CIT: variants seen among roughly 807,000 people sequenced by gnomAD.
CIT encodes citron Rho-interacting kinase.
Under a neutral mutation model 272.7 loss-of-function variants are expected in CIT, and 79 were observed. The ratio of observed to expected loss-of-function variants is 0.29; its 90% CI spans 0.24 to 0.35. CIT has a LOEUF of 0.35. CIT is among the 10% of genes least tolerant of loss of function. The probability of loss-of-function intolerance (pLI) is 1.00; values close to 1 mark genes in which losing one functional copy is unlikely to be tolerated. For synonymous variants in CIT, 948 were observed against 995.6 expected (o/e 0.95, Z 0.90); for missense variants, 1,909 against 2,618.3 (o/e 0.73, Z 5.91).
In CIT at chr12:119,734,093, C is replaced by T. The variant is rs949979541; in HGVS notation, c.3350+71G>A. The stretch of plus-strand genomic sequence containing the variant: ...GTCTCGGCGGGAATAGCTGATCACC[C>T]TGTCCACAACTCTCAGGCCGATCCT... On this transcript the variant is annotated intron_variant, in intron 26 of 47. Transcript: ENST00000392521. The T allele has an allele frequency of 3.3e-6, 5 of 1,499,702 alleles. No individual in the cohort carries two copies. The African/African-American group carries it at 6.9e-5, about 21-fold the overall frequency. The allele number at this position is 1,499,702 out of a possible 1,614,324, so 92.9% of individuals were successfully genotyped here.
rs1369952457 is a variant in CIT at position 119,731,813 on chromosome 12, A to AATATATATACATAT, written c.3351-1184_3351-1183insATATGTATATATAT. ...AAAGCATAACTGTATTTCTCTCCTA[A>AATATATATACATAT]ATATATATATATATATATATATATA... On this transcript the variant is annotated intron_variant, in intron 26 of 47. Transcript: ENST00000392521. Among the ~76,000 whole-genome samples, 906 of 139,136 alleles carry AATATATATACATAT rather than the reference A, an allele frequency of 6.5e-3. 13 individuals are homozygous for AATATATATACATAT. Among genetic ancestry groups the AATATATATACATAT allele is most frequent in the African/African-American group, 0.025 (884 of 36,034 alleles). 91.3% of individuals were successfully genotyped at this position (139,136 alleles called of 152,430 possible). A position where few individuals can be genotyped will look rare whatever the true frequency, so the allele number is the denominator to read the frequency against.
chr12:119,724,070 C>T (rs1386544664), intron 28 of CIT, among the ~76,000 whole-genome samples: 1 of 152,064 alleles, frequency 6.6e-6, no homozygotes, highest in Non-Finnish European at 1.5e-5. Flanking sequence ...GCAGGAGGAT[C>T]GCTTGAGCCC....
chr12:119,874,219 G>C (rs1227117451), intron 2 of CIT, among the ~76,000 whole-genome samples: 1 of 151,904 alleles, frequency 6.6e-6, no homozygotes, highest in African/African-American at 2.4e-5. Context: ...AGGTACATGC[G>C]ACCACCATGC....
intron 9 of CIT, among the ~76,000 whole-genome samples, chr12:119,811,564 A>C (rs1377835710): frequency 6.6e-6 from 1 of 152,242 alleles, no homozygotes; most frequent in East Asian, 1.9e-4. Flanking sequence ...AACTAGGCAG[A>C]TAACCTCTCT....
intron 3 of CIT, 113 bp downstream of exon 3, chr12:119,868,947 A>G (rs1950588839): frequency 1.5e-6 from 2 of 1,293,408 alleles, no homozygotes; most frequent in East Asian, 2.3e-5. Context: ...TCTGTCTTAT[A>G]TAGAACCAGA....
chr12:119,873,336 G>T (rs1187329243), intron 2 of CIT, among the ~76,000 whole-genome samples: 1 of 149,690 alleles, frequency 6.7e-6, no homozygotes, highest in Non-Finnish European at 1.5e-5. Context: ...GAAGTGCAGT[G>T]GCACAATCTT....
chr12:119,869,267 C>CA, intron 2 of CIT, 66 bp from the exon 3 acceptor site: 1 of 1,487,466 alleles, frequency 6.7e-7, no homozygotes. Context: ...ATAACATCCA[C>CA]ACAGAGTAAA....
chr12:119,868,077 C>G (rs570544903), intron 3 of CIT, among the ~76,000 whole-genome samples: 86 of 152,004 alleles, frequency 5.7e-4, no homozygotes, highest in African/African-American at 2.1e-3. Flanking sequence ...GAGAAAAAAG[C>G]AAAAATTAGC....
intron 10 of CIT, among the ~76,000 whole-genome samples, chr12:119,788,704 T>A (rs1314549117): frequency 6.6e-6 from 1 of 152,090 alleles, no homozygotes; most frequent in Non-Finnish European, 1.5e-5. Flanking sequence ...CACTTATCAA[T>A]GGGCCCAGAA....
At chr12:119,699,566 C>A (rs7316345) in intron 44 of CIT, among the ~76,000 whole-genome samples, 6,525 of 152,260 alleles carry the variant, frequency 0.043, 451 homozygotes, top group African/African-American at 0.15. Flanking sequence ...GAAGTGAGCA[C>A]GCTTGCCAGC....
chr12:119,804,308 C>T lies in CIT; in HGVS notation c.1112-919G>A. 1 of 985,548 alleles carries T rather than the reference C, an allele frequency of 1.0e-6. No individual in the cohort carries two copies. The highest frequency in any genetic ancestry group is 1.2e-6 in the Non-Finnish European group (1 of 830,030). The allele number at this position is 985,548 out of a possible 1,614,324, so 61.1% of individuals were successfully genotyped here. A position where few individuals can be genotyped will look rare whatever the true frequency, so the allele number is the denominator to read the frequency against. On this transcript the variant is annotated intron_variant, in intron 9 of 47. Transcript: ENST00000392521. The surrounding 1 kb of genome is among the most constrained non-coding windows in gnomAD (Gnocchi z 5.3). Reference sequence around the variant, plus strand: ...TCGCGGTGGGCTCCCGGGGGTGTCCCCCGCCAGAAACGTTACCATGGTTGC... The same window carrying T: ...TCGCGGTGGGCTCCCGGGGGTGTCCTCCGCCAGAAACGTTACCATGGTTGC...
At chr12:119,789,315 GCATT>G (rs1965096366) in intron 10 of CIT, among the ~76,000 whole-genome samples, 1 of 152,172 alleles carries the variant, frequency 6.6e-6, no homozygotes, top group Admixed American at 6.5e-5. Flanking sequence ...GTTCCATGTA[GCATT>G]TTGGCCAGAC....
At chr12:119,834,929 A>G (rs901825046) in intron 5 of CIT, among the ~76,000 whole-genome samples, 1 of 152,258 alleles carries the variant, frequency 6.6e-6, no homozygotes, top group African/African-American at 2.4e-5. Flanking sequence ...TTAAAAACAA[A>G]CAGATTCCAT....
At chr12:119,731,244 G>A (rs984666610) in intron 26 of CIT, among the ~76,000 whole-genome samples, 1 of 152,098 alleles carries the variant, frequency 6.6e-6, no homozygotes, top group Non-Finnish European at 1.5e-5. Flanking sequence ...GGAGGCTGAG[G>A]TGGGCAGATC....
At chr12:119,701,546 T>G in intron 43 of CIT, 78 bp downstream of exon 43, 3 of 1,537,274 alleles carry the variant, frequency 2.0e-6, no homozygotes, top group South Asian at 1.2e-5. Context: ...CAGAGCTCCA[T>G]GTACCCTCCT....
chr12:119,833,586 A>C (rs1968790036), intron 6 of CIT, among the ~76,000 whole-genome samples: 1 of 149,574 alleles, frequency 6.7e-6, no homozygotes, highest in African/African-American at 2.5e-5. Context: ...AATCACCTGA[A>C]CCCAGCAGGC....
intron 10 of CIT, among the ~76,000 whole-genome samples, chr12:119,792,061 C>T (rs1965357026): frequency 1.3e-5 from 2 of 152,114 alleles, no homozygotes; most frequent in Admixed American, 1.3e-4. Context: ...TAAAATATTG[C>T]ATATCAAAAG....
intron 40 of CIT, among the ~76,000 whole-genome samples, chr12:119,706,754 G>C (rs2137024538): frequency 6.6e-6 from 1 of 152,300 alleles, no homozygotes; most frequent in Non-Finnish European, 1.5e-5. Flanking sequence ...ACATACACAT[G>C]CATGTGACTT....
chr12:119,743,615 C>T (rs1426033421), intron 23 of CIT, among the ~76,000 whole-genome samples: 1 of 152,188 alleles, frequency 6.6e-6, no homozygotes, highest in African/African-American at 2.4e-5. Flanking sequence ...TTATAGGAAA[C>T]TTCTGCTTTA....
Sources: allele counts gnomAD v4.1 joint callset (sites outside exome capture counted in the v4.1 genomes callset), GRCh38; gene constraint gnomAD v4.1.1; non-coding constraint Gnocchi (gnomAD v3.1); transcripts MANE v1.5; gene names NCBI Gene and HGNC (gene_info 2026-07-23, HGNC 2026-07-21).